The following NTF3 variants were observed in gnomAD, a reference collection of about 807,000 sequenced individuals.
NTF3 encodes neurotrophin 3.
In NTF3, 8 loss-of-function variants were observed where a neutral mutation model predicts 26.3. That is an observed-to-expected ratio of 0.30 (90% CI 0.18 to 0.55). NTF3 has a LOEUF of 0.55. Ranked by LOEUF, NTF3 falls within the 20% of genes least tolerant of loss-of-function variation. The pLI, the probability that NTF3 is intolerant of heterozygous loss-of-function variation, is 0.93. For missense variants in NTF3, 276 were observed against 352.9 expected (o/e 0.78, Z 1.75); for synonymous variants, 154 against 145.5 (o/e 1.06, Z -0.42).
chr12:5,481,504 T>TAAC (rs374343597), intron 1 of NTF3, among the ~76,000 whole-genome samples: 392 of 13,236 alleles, frequency 0.03, 6 homozygotes, highest in Middle Eastern at 0.1. Flanking sequence ...ATACACAGAA[T>TAAC]ACCACACACA....
intron 1 of NTF3, among the ~76,000 whole-genome samples, chr12:5,486,877 C>T (rs535702344): frequency 7.8e-6 from 1 of 128,220 alleles, no homozygotes; most frequent in Non-Finnish European, 1.6e-5. Flanking sequence ...CAGGTAGTTA[C>T]GTGGTGTGTG....
chr12:5,485,987 G>A (rs137904330), intron 1 of NTF3, among the ~76,000 whole-genome samples: 1 of 152,314 alleles, frequency 6.6e-6, no homozygotes, highest in African/African-American at 2.4e-5. Context: ...AGTCCCAGCT[G>A]TCAGTCTTCA....
chr12:5,490,833 A>G (rs1284850398), intron 1 of NTF3, among the ~76,000 whole-genome samples: 1 of 152,104 alleles, frequency 6.6e-6, no homozygotes, highest in Non-Finnish European at 1.5e-5. Context: ...CCTTGTGGGG[A>G]CCGTGTTGGT....
intron 1 of NTF3, among the ~76,000 whole-genome samples, chr12:5,442,480 C>G (rs879710886): frequency 3.9e-5 from 6 of 152,068 alleles, no homozygotes; most frequent in Admixed American, 3.9e-4. Flanking sequence ...TATCCCTGCT[C>G]GTGGCATGGT....
intron 1 of NTF3, among the ~76,000 whole-genome samples, chr12:5,479,264 G>A (rs763855380): frequency 2.6e-5 from 4 of 152,166 alleles, no homozygotes; most frequent in Non-Finnish European, 2.9e-5. Flanking sequence ...GCAGAACTTG[G>A]GCCAGTAATG....
At chr12:5,447,140 A>C (rs1309193838) in intron 1 of NTF3, among the ~76,000 whole-genome samples, 1 of 152,182 alleles carries the variant, frequency 6.6e-6, no homozygotes, top group African/African-American at 2.4e-5. Context: ...CCATCACCCC[A>C]TCCCACCCCA....
At chr12:5,465,557 C>T (rs138645708) in intron 1 of NTF3, among the ~76,000 whole-genome samples, 2 of 152,342 alleles carry the variant, frequency 1.3e-5, no homozygotes, top group East Asian at 3.9e-4. Context: ...AAGCAGTGTG[C>T]ACAGCAGGCA....
chr12:5,444,318 A>G (rs1940276386), intron 1 of NTF3, among the ~76,000 whole-genome samples: 1 of 152,184 alleles, frequency 6.6e-6, no homozygotes, highest in Admixed American at 6.5e-5. Context: ...ACAGAAAGAG[A>G]GCGTGAGCAG....
chr12:5,453,222 A>G (rs1284135830), intron 1 of NTF3, among the ~76,000 whole-genome samples: 1 of 152,188 alleles, frequency 6.6e-6, no homozygotes, highest in African/African-American at 2.4e-5. Context: ...CATTTTTGAT[A>G]CCTATTTTCC....
chr12:5,456,702 C>T lies in NTF3; in HGVS notation c.18+24360C>T, dbSNP rs995669269. Among the ~76,000 whole-genome samples the T allele has an allele frequency of 2.4e-4, 36 of 152,190 alleles. No homozygotes were observed. Among genetic ancestry groups the T allele is most frequent in the African/African-American group, 8.4e-4 (35 of 41,440 alleles). On this transcript the variant is annotated intron_variant, in intron 1 of 1. Transcript: ENST00000423158. The surrounding 1 kb of genome is among the most constrained non-coding windows in gnomAD (Gnocchi z 4.4). ...GGAGGGGAGGTTTGTGTAAGATTCC[C>T]TCCCACGGTTCAGCACAGATGGGAT...
chr12:5,459,184 C>T (rs1239859735), intron 1 of NTF3, among the ~76,000 whole-genome samples: 4 of 152,146 alleles, frequency 2.6e-5, no homozygotes, highest in African/African-American at 4.8e-5. Context: ...CTTTCTGTAC[C>T]GAGAGCTCAT....
intron 1 of NTF3, among the ~76,000 whole-genome samples, chr12:5,447,853 A>G (rs1025835189): frequency 1.3e-5 from 2 of 152,234 alleles, no homozygotes; most frequent in African/African-American, 4.8e-5. Flanking sequence ...AGACATGGGA[A>G]GAAATGTTAC....
chr12:5,483,980 G>T (rs1396103373), intron 1 of NTF3, among the ~76,000 whole-genome samples: 2 of 152,218 alleles, frequency 1.3e-5, no homozygotes, highest in Non-Finnish European at 2.9e-5. Context: ...GAGTAGGGCT[G>T]CTGGGGCCTC....
rs555717983 is a variant in NTF3, at chr12:5,438,421, G to A, written c.18+6079G>A. On this transcript the variant is annotated intron_variant, in intron 1 of 1. Transcript: ENST00000423158. ...ACTACGGAGAGCTTGCCGCAGCTTT[G>A]GTTGTCCTCACAGGACAAACCTATG... Among the ~76,000 whole-genome samples the A allele has an allele frequency of 5.9e-5, 9 of 152,244 alleles. No individual in the cohort carries two copies. In the South Asian group the frequency reaches 1.9e-3, roughly 32 times the overall value.
At chr12:5,459,554 C>G (rs1940498858) in intron 1 of NTF3, among the ~76,000 whole-genome samples, 1 of 152,214 alleles carries the variant, frequency 6.6e-6, no homozygotes, top group Non-Finnish European at 1.5e-5. Context: ...CAATTATCTT[C>G]AGGGAGGAAC....
At chr12:5,434,472 A>AGTGTGTGT (rs59874216) in intron 1 of NTF3, among the ~76,000 whole-genome samples, 11,196 of 142,608 alleles carry the variant, frequency 0.079, 537 homozygotes, top group African/African-American at 0.12. Context: ...GTTTTTCCAA[A>AGTGTGTGT]GTGTGTGTGT....
intron 1 of NTF3, among the ~76,000 whole-genome samples, chr12:5,436,178 G>C (rs1356341666): frequency 6.6e-6 from 1 of 152,194 alleles, no homozygotes; most frequent in African/African-American, 2.4e-5. Context: ...TGGAGCAGAC[G>C]ATGGGGATCC....
chr12:5,494,957 G>A lies in NTF3; in HGVS notation c.782G>A (p.Cys261Tyr), dbSNP rs1368628130. The A allele has an allele frequency of 6.2e-7, 1 of 1,613,932 alleles. No individual in the cohort carries two copies. The highest frequency in any genetic ancestry group is 1.7e-5 in the Admixed American group (1 of 59,992). ...RWIRIDTSCV[C>Y]ALSRKIGRT ...ATACGGATAGACACGTCCTGTGTGT[G>A]TGCCTTGTCGAGAAAAATCGGAAGA... Residue 261 changes from cysteine to tyrosine, a missense_variant, in exon 2 of 2, where the codon TGT (cysteine) becomes TAT (tyrosine). Physicochemically the swap from Cys to Tyr is radical, Grantham distance 194. Around this residue, in one of 3 missense-constraint regions of NTF3, gnomAD observed 52 missense variants for 78.4 expected, o/e 0.66. Coordinates refer to ENST00000423158, the MANE Select transcript of NTF3 (RefSeq NM_001102654.2). This position sits in a 1 kb window ranked among gnomAD's most constrained non-coding sequence, Gnocchi z 8.3.
At chr12:5,438,808 T>C (rs1206610144) in intron 1 of NTF3, among the ~76,000 whole-genome samples, 1 of 152,166 alleles carries the variant, frequency 6.6e-6, no homozygotes, top group East Asian at 1.9e-4. Flanking sequence ...GACTTTGCCA[T>C]CTGTAAATGA....
Sources: allele counts gnomAD v4.1 joint callset (sites outside exome capture counted in the v4.1 genomes callset), GRCh38; gene constraint gnomAD v4.1.1; regional missense constraint gnomAD v4.1.1; non-coding constraint Gnocchi (gnomAD v3.1); transcripts MANE v1.5; gene names NCBI Gene and HGNC (gene_info 2026-07-23, HGNC 2026-07-21).